The following PTPRA variants were observed in gnomAD, a reference collection of about 807,000 sequenced individuals.
PTPRA encodes receptor-type tyrosine-protein phosphatase alpha.
Under a neutral mutation model 104.8 loss-of-function variants are expected in PTPRA, and 25 were observed. The ratio of observed to expected loss-of-function variants is 0.24; its 90% CI spans 0.17 to 0.33. PTPRA has a LOEUF of 0.33. Ranked by LOEUF, PTPRA falls within the 10% of genes least tolerant of loss-of-function variation. The pLI is 1.00. For missense variants in PTPRA, 765 were observed against 1,015.3 expected (o/e 0.75, Z 3.35); for synonymous variants, 323 against 368.9 (o/e 0.88, Z 1.43).
At chr20:3,029,049 T>C (rs1474439507) in intron 20 of PTPRA, among the ~76,000 whole-genome samples, 3 of 152,136 alleles carry the variant, frequency 2.0e-5, no homozygotes, top group African/African-American at 7.2e-5. Context: ...TCCCCATCTG[T>C]ACTTGTGTTA....
At position 3,019,024 on chromosome 20, in the gene PTPRA, G is replaced by C. The variant is rs9679783; in HGVS notation, c.1041+1111G>C. 3.2e-3 allele frequency among the ~76,000 whole-genome samples: 428 copies of C among 135,072 alleles called. 41 individuals are homozygous for C. Among genetic ancestry groups the C allele is most frequent in the Middle Eastern group, 0.014 (3 of 214 alleles). 88.6% of individuals were successfully genotyped at this position (135,072 alleles called of 152,430 possible). On this transcript the variant is annotated intron_variant, in intron 13 of 23. Transcript: ENST00000399903. ...TCCCGGACAGGGCAGCTGGCCGGGC[G>C]GGGGGGCTGACCCCCCCACCTCCCG...
intron 2 of PTPRA, among the ~76,000 whole-genome samples, chr20:2,932,864 C>T (rs1422951788): frequency 6.6e-6 from 1 of 152,146 alleles, no homozygotes; most frequent in Non-Finnish European, 1.5e-5. Flanking sequence ...TACTTTTATT[C>T]ACTCTTCTCT....
intron 13 of PTPRA, among the ~76,000 whole-genome samples, chr20:3,020,361 G>A (rs1390542376): frequency 6.6e-6 from 1 of 152,040 alleles, no homozygotes; most frequent in Admixed American, 6.5e-5. Flanking sequence ...GCCTCCCAAA[G>A]TGCTGGGATT....
At chr20:2,927,764 C>T (rs1449459767) in intron 2 of PTPRA, among the ~76,000 whole-genome samples, 1 of 152,150 alleles carries the variant, frequency 6.6e-6, no homozygotes, top group Non-Finnish European at 1.5e-5. Flanking sequence ...AACCCCAGCA[C>T]TTTGGGAGGC....
At chr20:3,006,736 T>C (rs1180592910) in intron 10 of PTPRA, among the ~76,000 whole-genome samples, 1 of 152,220 alleles carries the variant, frequency 6.6e-6, no homozygotes, top group African/African-American at 2.4e-5. Flanking sequence ...CAAGCCATTT[T>C]CCTGCTTCAG....
chr20:3,005,327 T>A (rs568662398), intron 10 of PTPRA, among the ~76,000 whole-genome samples, 181 bp downstream of exon 10: 52 of 152,204 alleles, frequency 3.4e-4, no homozygotes, highest in Admixed American at 3.1e-3. Flanking sequence ...GGTGGGAGAA[T>A]CTCTTGAGCC....
intron 3 of PTPRA, among the ~76,000 whole-genome samples, chr20:2,948,358 G>A (rs903565976): frequency 3.9e-5 from 6 of 152,100 alleles, no homozygotes; most frequent in African/African-American, 1.4e-4. Flanking sequence ...AGCCACTTAA[G>A]TTTTTTATTT....
chr20:2,910,631 C>T (rs1177912410), intron 1 of PTPRA, among the ~76,000 whole-genome samples: 2 of 100,964 alleles, frequency 2.0e-5, no homozygotes, highest in African/African-American at 7.9e-5. Context: ...TTTTTTAAGA[C>T]GGAGTCTCGC....
At chr20:3,018,074 G>C (rs777560364) in intron 13 of PTPRA, among the ~76,000 whole-genome samples, 161 bp downstream of exon 13, 13 of 152,194 alleles carry the variant, frequency 8.5e-5, no homozygotes, top group Non-Finnish European at 1.8e-4. Flanking sequence ...GGAAGCCCCA[G>C]ATATGAACCT....
the PTPRA span, among the ~76,000 whole-genome samples, chr20:2,868,117 GTGGTC>G: frequency 1.3e-5 from 2 of 152,112 alleles, no homozygotes; most frequent in Non-Finnish European, 2.9e-5. Context: ...CTTAGCTGGG[GTGGTC>G]TGCCAGAACA....
In PTPRA at chr20:2,914,445, CTGTGTGTG is replaced by C. The variant is rs35272226; in HGVS notation, c.-128-8734_-128-8727del. Among the ~76,000 whole-genome samples the C allele has an allele frequency of 4.3e-4, 63 of 145,716 alleles. No homozygotes were observed. In the East Asian group the frequency reaches 4.8e-3, roughly 11 times the overall value. On this transcript the variant is annotated intron_variant, in intron 1 of 23. Transcript: ENST00000399903. ...TAGACTCATTTTTTTATTTCTTGCT[CTGTGTGTG>C]TGTGTGTGTGTGTGTGTGTGTGTGT... is the stretch of plus-strand genomic sequence containing the variant.
At chr20:3,021,646 C>A (rs560374088) in intron 14 of PTPRA, among the ~76,000 whole-genome samples, 18 of 152,308 alleles carry the variant, frequency 1.2e-4, no homozygotes, top group African/African-American at 4.3e-4. Context: ...GAAGTCTGAT[C>A]ATTTAGATAT....
chr20:2,961,929 T>G (rs2061769711), intron 3 of PTPRA, among the ~76,000 whole-genome samples: 1 of 152,244 alleles, frequency 6.6e-6, no homozygotes, highest in Admixed American at 6.5e-5. Context: ...TGGGTCTGTT[T>G]ATGATCTCTG....
At chr20:2,898,238 C>T (rs1359050579) in intron 1 of PTPRA, among the ~76,000 whole-genome samples, 1 of 151,842 alleles carries the variant, frequency 6.6e-6, no homozygotes, top group Non-Finnish European at 1.5e-5. Context: ...CGCCACCATG[C>T]CCGGCTAATT....
chr20:2,903,568 G>T (rs556720304), intron 1 of PTPRA, among the ~76,000 whole-genome samples: 15 of 152,062 alleles, frequency 9.9e-5, no homozygotes, highest in Non-Finnish European at 1.9e-4. Flanking sequence ...TATGCCTGTA[G>T]CCCTTGCTAC....
intron 2 of PTPRA, among the ~76,000 whole-genome samples, chr20:2,931,733 TG>T (rs2060513241): frequency 6.6e-6 from 1 of 151,874 alleles, no homozygotes; most frequent in Non-Finnish European, 1.5e-5. Flanking sequence ...TGTGTGTGTG[TG>T]TGTGTGTGTG....
chr20:3,014,451 A>C (rs1012482373), intron 11 of PTPRA, among the ~76,000 whole-genome samples: 2 of 152,170 alleles, frequency 1.3e-5, no homozygotes, highest in African/African-American at 4.8e-5. Context: ...CAGCGTGGCC[A>C]ACATGGTGAA....
At chr20:2,940,822 G>T (rs1215296593) in intron 2 of PTPRA, among the ~76,000 whole-genome samples, 1 of 152,240 alleles carries the variant, frequency 6.6e-6, no homozygotes, top group Non-Finnish European at 1.5e-5. Context: ...TTGAAGCAGA[G>T]ACTTAATTGC....
chr20:2,919,143 T>C (rs1276465657), intron 1 of PTPRA, among the ~76,000 whole-genome samples: 1 of 152,152 alleles, frequency 6.6e-6, no homozygotes, highest in Non-Finnish European at 1.5e-5. Flanking sequence ...TTTGACCAAG[T>C]TGATTGTCTC....
Sources: gnomAD v4.1 joint callset for allele counts (sites outside exome capture counted in the v4.1 genomes callset) on GRCh38, gnomAD v4.1.1 for gene constraint, MANE v1.5 for transcripts, NCBI Gene and HGNC (gene_info 2026-07-23, HGNC 2026-07-21) for gene names.